The following NRXN3 variants were observed in gnomAD, a reference collection of about 807,000 sequenced individuals.
The protein encoded by NRXN3 is neurexin III.
A neutral mutation model predicts 137.6 loss-of-function variants in NRXN3; 32 were observed. That is an observed-to-expected ratio of 0.23 (90% confidence interval 0.18 to 0.31). The LOEUF (loss-of-function observed/expected upper bound fraction) is 0.31, where lower values mean the gene tolerates loss of function less well. NRXN3 is among the 10% of genes least tolerant of loss of function. NRXN3 has a pLI of 1.00. For synonymous variants in NRXN3, 798 were observed against 784.5 expected (o/e 1.02, Z -0.29); for missense variants, 1,574 against 2,062.5 (o/e 0.76, Z 4.59).
At chr14:78,740,323 A>G (rs1266055710) in intron 8 of NRXN3, among the ~76,000 whole-genome samples, 1 of 151,922 alleles carries the variant, frequency 6.6e-6, no homozygotes, top group Admixed American at 6.6e-5. Context: ...TTACAGACCC[A>G]GAGAAACCTT....
At chr14:78,276,436 T>G (rs998664639) in intron 2 of NRXN3, among the ~76,000 whole-genome samples, 3 of 152,192 alleles carry the variant, frequency 2.0e-5, no homozygotes, top group East Asian at 1.9e-4. Context: ...TGGTCAATAT[T>G]TTTTGATATT....
intron 15 of NRXN3, among the ~76,000 whole-genome samples, chr14:79,125,474 T>C (rs1055239321): frequency 4.0e-4 from 61 of 152,326 alleles, no homozygotes; most frequent in African/African-American, 1.4e-3. Context: ...CTTGTCTTTA[T>C]TGAACAACAA....
At chr14:78,464,222 T>A (rs968728487) in intron 4 of NRXN3, among the ~76,000 whole-genome samples, 5 of 151,910 alleles carry the variant, frequency 3.3e-5, no homozygotes, top group African/African-American at 9.7e-5. Context: ...CCAGCTAATT[T>A]TTTTTGTATT....
chr14:78,943,617 A>T lies in NRXN3; in HGVS notation c.2276-13625A>T, dbSNP rs1468430890. Among the ~76,000 whole-genome samples the T allele has an allele frequency of 3.2e-3, 129 of 40,502 alleles. 6 individuals carry two copies. Among genetic ancestry groups the T allele is most frequent in the South Asian group, 0.014 (13 of 912 alleles). The allele number at this position is 40,502 out of a possible 152,430, so 26.6% of individuals were successfully genotyped here. A position where few individuals can be genotyped will look rare whatever the true frequency, so the allele number is the denominator to read the frequency against. Reference sequence around the variant, plus strand: ...AAGAAGCAAGATCACTGTTAAAAAAAAAAAATATATATATATATATATATA... The same window carrying T: ...AAGAAGCAAGATCACTGTTAAAAAATAAAAATATATATATATATATATATA... On this transcript the variant is annotated intron_variant, in intron 10 of 20. Coordinates refer to ENST00000335750, the MANE Select transcript of NRXN3 (RefSeq NM_001330195.2).
intron 16 of NRXN3, among the ~76,000 whole-genome samples, chr14:79,583,875 C>G (rs1402360746): frequency 1.3e-5 from 2 of 152,226 alleles, no homozygotes; most frequent in Non-Finnish European, 2.9e-5. Flanking sequence ...TATGAAGCCT[C>G]TATTTGGAAA....
At chr14:79,170,313 A>G (rs1175364819) in intron 15 of NRXN3, among the ~76,000 whole-genome samples, 1 of 152,126 alleles carries the variant, frequency 6.6e-6, no homozygotes, top group African/African-American at 2.4e-5. Flanking sequence ...TAACTTCCTT[A>G]AAAAGTAGTT....
At chr14:79,330,227 T>C (rs1483069071) in intron 15 of NRXN3, among the ~76,000 whole-genome samples, 1 of 152,048 alleles carries the variant, frequency 6.6e-6, no homozygotes, top group Non-Finnish European at 1.5e-5. Flanking sequence ...AGGGAGCTAT[T>C]GTGAGAGTCC....
At chr14:78,382,235 T>G (rs1238258459) in intron 4 of NRXN3, among the ~76,000 whole-genome samples, 1 of 152,182 alleles carries the variant, frequency 6.6e-6, no homozygotes, top group Non-Finnish European at 1.5e-5. Flanking sequence ...TTGCATACTT[T>G]GATATGCATA....
intron 19 of NRXN3, among the ~76,000 whole-genome samples, chr14:79,757,732 C>A (rs1379116840): frequency 6.6e-6 from 1 of 152,100 alleles, no homozygotes; most frequent in Non-Finnish European, 1.5e-5. Context: ...TGGACATGAC[C>A]TTTCAGGACC....
chr14:79,538,400 T>C, intron 16 of NRXN3, among the ~76,000 whole-genome samples: 1 of 152,216 alleles, frequency 6.6e-6, no homozygotes, highest in Admixed American at 6.5e-5. Context: ...TGCCTAGGTT[T>C]TCTTCTAGGG....
At chr14:79,419,561 G>A (rs2095546100) in intron 15 of NRXN3, among the ~76,000 whole-genome samples, 2 of 152,030 alleles carry the variant, frequency 1.3e-5, no homozygotes, top group Non-Finnish European at 1.5e-5. Flanking sequence ...CTTATTAGAT[G>A]TCATCAAGAG....
chr14:78,186,754 C>T (rs1281221646), intron 1 of NRXN3, among the ~76,000 whole-genome samples: 1 of 150,872 alleles, frequency 6.6e-6, no homozygotes, highest in Non-Finnish European at 1.5e-5. Context: ...TGGCTGAAAA[C>T]TAAGCTGCAG....
intron 4 of NRXN3, among the ~76,000 whole-genome samples, chr14:78,318,256 C>T (rs2078939049): frequency 1.3e-5 from 2 of 152,154 alleles, no homozygotes; most frequent in African/African-American, 4.8e-5. Flanking sequence ...GACTCAGCAT[C>T]TTAGGATCTT....
chr14:78,363,049 C>A (rs2085371088), intron 4 of NRXN3, among the ~76,000 whole-genome samples: 1 of 152,216 alleles, frequency 6.6e-6, no homozygotes. Context: ...GGCCTCCTGT[C>A]TTCCTCTTTG....
chr14:78,461,728 G>C (rs1315278187), intron 4 of NRXN3, among the ~76,000 whole-genome samples: 4 of 152,132 alleles, frequency 2.6e-5, no homozygotes, highest in African/African-American at 7.2e-5. Context: ...TGGGTTCAAG[G>C]CTTTTTTAAA....
intron 15 of NRXN3, among the ~76,000 whole-genome samples, chr14:79,044,825 G>GTTTTTTTTTTT: frequency 7.2e-6 from 1 of 139,624 alleles, no homozygotes; most frequent in Non-Finnish European, 1.6e-5. Flanking sequence ...AGCACCTCTA[G>GTTTTTTTTTTT]TTTTTTTTTT....
chr14:78,729,787 A>G (rs898064370), intron 8 of NRXN3, among the ~76,000 whole-genome samples: 1 of 152,160 alleles, frequency 6.6e-6, no homozygotes, highest in Non-Finnish European at 1.5e-5. Flanking sequence ...TGCTTTGCTC[A>G]TCTCTCCTTC....
chr14:78,853,245 G>A (rs1235202115), intron 10 of NRXN3, among the ~76,000 whole-genome samples: 2 of 152,134 alleles, frequency 1.3e-5, no homozygotes, highest in East Asian at 1.9e-4. Context: ...AGGCCCCGGT[G>A]TGTGATGTTC....
At chr14:78,593,490 C>T (rs2097134176) in intron 4 of NRXN3, among the ~76,000 whole-genome samples, 1 of 152,320 alleles carries the variant, frequency 6.6e-6, no homozygotes, top group Non-Finnish European at 1.5e-5. Flanking sequence ...AGGCTAAGCA[C>T]CCTTGTGACC....
Sources: gnomAD v4.1 joint callset for allele counts (sites outside exome capture counted in the v4.1 genomes callset) on GRCh38, gnomAD v4.1.1 for gene constraint, MANE v1.5 for transcripts, NCBI Gene and HGNC (gene_info 2026-07-23, HGNC 2026-07-21) for gene names.